RBFOX1: variants seen among roughly 807,000 people sequenced by gnomAD.
The protein encoded by RBFOX1 is RNA binding protein fox-1 homolog 1.
In RBFOX1, 8 loss-of-function variants were observed where a neutral mutation model predicts 57.7. The ratio of observed to expected loss-of-function variants is 0.14; its 90% CI spans 0.08 to 0.25. The LOEUF (loss-of-function observed/expected upper bound fraction) is 0.25. RBFOX1 is among the 10% of genes least tolerant of loss of function. The pLI, the probability that RBFOX1 is intolerant of heterozygous loss-of-function variation, is 1.00. For missense variants in RBFOX1, 611 were observed against 548.5 expected (o/e 1.11, Z -1.14); for synonymous variants, 326 against 222.4 (o/e 1.47, Z -4.15).
At chr16:5,477,993 A>C (rs1200449154) in intron 2 of RBFOX1, among the ~76,000 whole-genome samples, 2 of 152,080 alleles carry the variant, frequency 1.3e-5, no homozygotes, top group Non-Finnish European at 2.9e-5. Context: ...CCCCACTTCT[A>C]GGTAACCCTT....
chr16:5,943,913 C>A, intron 4 of RBFOX1, among the ~76,000 whole-genome samples: 1 of 151,832 alleles, frequency 6.6e-6, no homozygotes, highest in East Asian at 1.9e-4. Flanking sequence ...ATCCATCCAT[C>A]CACTCCTCCT....
intron 5 of RBFOX1, among the ~76,000 whole-genome samples, chr16:7,525,174 A>C (rs1193074611): frequency 6.6e-6 from 1 of 152,134 alleles, no homozygotes; most frequent in Non-Finnish European, 1.5e-5. Context: ...TATATCTTAT[A>C]AGTACTCACT....
intron 1 of RBFOX1, among the ~76,000 whole-genome samples, chr16:5,297,087 G>A (rs2063688519): frequency 6.6e-6 from 1 of 152,182 alleles, no homozygotes; most frequent in Non-Finnish European, 1.5e-5. Flanking sequence ...TGTTGCAAAT[G>A]ACAGGATTTT....
intron 1 of RBFOX1, among the ~76,000 whole-genome samples, chr16:6,291,286 A>G (rs1480782347): frequency 1.3e-5 from 2 of 151,832 alleles, no homozygotes; most frequent in Admixed American, 6.6e-5. Context: ...GCCTCATTTT[A>G]CTCCGCTGCT....
Position 6,142,743 on chromosome 16 carries a change from C to G in RBFOX1, c.-127+122751C>G, listed in dbSNP as rs79759775. On this transcript the variant is annotated intron_variant, in intron 1 of 15. Transcript: ENST00000550418. The stretch of plus-strand genomic sequence containing the variant: ...GGCTTCATCTAGACCAAATTACTGC[C>G]TTCTCCTAAATTGTTCCATATTTTC... 7.9e-4 allele frequency among the ~76,000 whole-genome samples: 121 copies of G among 152,264 alleles called. 1 individual carries two copies. The East Asian group carries it at 0.021, about 26-fold the overall frequency.
At chr16:5,971,357 T>C (rs1332649743) in intron 4 of RBFOX1, among the ~76,000 whole-genome samples, 1 of 152,160 alleles carries the variant, frequency 6.6e-6, no homozygotes, top group East Asian at 1.9e-4. Context: ...AGGAAGTTCA[T>C]AGAAGGTGTG....
intron 2 of RBFOX1, among the ~76,000 whole-genome samples, chr16:5,503,513 G>T (rs1044058523): frequency 6.6e-6 from 1 of 152,182 alleles, no homozygotes; most frequent in East Asian, 1.9e-4. Context: ...GCGCAATCAC[G>T]GCTCACTGTA....
At chr16:7,709,193 G>A in intron 15 of RBFOX1, 62 bp downstream of exon 15, 4 of 1,484,012 alleles carry the variant, frequency 2.7e-6, no homozygotes, top group Non-Finnish European at 3.7e-6. Flanking sequence ...CCCCAGCTGG[G>A]ACCTCAGTAC....
At chr16:6,926,261 C>T (rs1326314210) in intron 3 of RBFOX1, among the ~76,000 whole-genome samples, 1 of 152,118 alleles carries the variant, frequency 6.6e-6, no homozygotes, top group East Asian at 1.9e-4. Context: ...GAGCTGAGAT[C>T]ACACCACTGC....
chr16:6,783,053 T>A (rs546652777), intron 3 of RBFOX1, among the ~76,000 whole-genome samples: 2 of 152,236 alleles, frequency 1.3e-5, no homozygotes, highest in South Asian at 4.1e-4. Context: ...TACAGCTCTT[T>A]ATGTTCTTTT....
intron 3 of RBFOX1, among the ~76,000 whole-genome samples, chr16:6,719,595 C>G (rs1005957525): frequency 1.4e-4 from 21 of 151,754 alleles, no homozygotes; most frequent in African/African-American, 2.9e-4. Context: ...TGCCCATCAC[C>G]ACGCCCGGCT....
rs1386657383 is a variant in RBFOX1 at position 6,947,070 on chromosome 16, G to T, written c.-15-104987G>T. On this transcript the variant is annotated intron_variant, in intron 3 of 15. Coordinates refer to ENST00000550418, the MANE Select transcript of RBFOX1 (RefSeq NM_018723.4). ...CTCATCTGTAATTGAGAGAAGGTCT[G>T]TGCTTTCTCAGAGAATAGTTAAGAG... 3.3e-5 allele frequency among the ~76,000 whole-genome samples: 5 copies of T among 152,144 alleles called. No homozygotes were observed. In the East Asian group the frequency reaches 9.6e-4, roughly 29 times the overall value.
intron 3 of RBFOX1, among the ~76,000 whole-genome samples, chr16:6,995,230 T>C (rs2092073852): frequency 6.6e-6 from 1 of 151,250 alleles, no homozygotes; most frequent in Admixed American, 6.6e-5. Context: ...AATTAGAGCA[T>C]ATGATTTACA....
At chr16:6,347,261 A>T (rs1324281262) in intron 2 of RBFOX1, among the ~76,000 whole-genome samples, 2 of 152,206 alleles carry the variant, frequency 1.3e-5, no homozygotes, top group Non-Finnish European at 2.9e-5. Flanking sequence ...TAATGTAGAC[A>T]GTGAACGGGA....
intron 3 of RBFOX1, among the ~76,000 whole-genome samples, chr16:6,975,080 C>T (rs182594609): frequency 8.5e-5 from 13 of 152,054 alleles, no homozygotes; most frequent in South Asian, 2.1e-4. Context: ...ATAAAGAGGA[C>T]GGGAAAACCT....
Position 7,284,834 on chromosome 16 carries a change from G to A in RBFOX1, c.27+232736G>A, listed in dbSNP as rs190085087. Among the ~76,000 whole-genome samples the A allele has an allele frequency of 9.2e-4, 140 of 152,272 alleles. 3 individuals are homozygous for A. The highest frequency in any genetic ancestry group is 7.7e-3 in the Admixed American group (117 of 15,292). On this transcript the variant is annotated intron_variant, in intron 4 of 15. Coordinates refer to ENST00000550418, the MANE Select transcript of RBFOX1 (RefSeq NM_018723.4). Reference sequence around the variant, plus strand: ...TGGCTGAGTGTTAGAGCTTTAAGATGGCCCCTCATCTTTTGGCCACTGCCT... The same window carrying A: ...TGGCTGAGTGTTAGAGCTTTAAGATAGCCCCTCATCTTTTGGCCACTGCCT...
At chr16:5,325,851 C>T (rs1218954713) in intron 1 of RBFOX1, among the ~76,000 whole-genome samples, 1 of 152,100 alleles carries the variant, frequency 6.6e-6, no homozygotes, top group Non-Finnish European at 1.5e-5. Flanking sequence ...AGTTTGTTTT[C>T]CGTTTTTGGC....
In RBFOX1 at chr16:5,670,002, A is replaced by G. The variant is rs943483002; in HGVS notation, c.318+71041A>G. On this transcript the variant is annotated intron_variant, in intron 3 of 19. Coordinates refer to the RBFOX1 transcript ENST00000641259. ...CCATACAGCAGAGTATTTTTTATCC[A>G]TAAAAAGATATAGAGCACTGACATG... Among the ~76,000 whole-genome samples, 7 of 152,382 alleles carry G rather than the reference A, an allele frequency of 4.6e-5. No homozygotes were observed. The South Asian group carries it at 1.0e-3, about 23-fold the overall frequency.
intron 4 of RBFOX1, among the ~76,000 whole-genome samples, chr16:7,394,318 G>C (rs1206238359): frequency 6.6e-6 from 1 of 151,172 alleles, no homozygotes; most frequent in African/African-American, 2.4e-5. Flanking sequence ...TGAAATTAGA[G>C]GGATTGCTGT....
Sources: allele counts gnomAD v4.1 joint callset (sites outside exome capture counted in the v4.1 genomes callset), GRCh38; gene constraint gnomAD v4.1.1; transcripts MANE v1.5; gene names NCBI Gene and HGNC (gene_info 2026-07-23, HGNC 2026-07-21).